The following CSNK2A2IP variants were observed in gnomAD, a reference collection of about 807,000 sequenced individuals.
CSNK2A2IP encodes casein kinase II subunit alpha'-interacting protein.
chr3:88,375,410 A>G, the CSNK2A2IP span, among the ~76,000 whole-genome samples: 2 of 151,784 alleles, frequency 1.3e-5, no homozygotes, highest in African/African-American at 4.8e-5. Flanking sequence ...TCAGATTAAA[A>G]AGCTATATTA....
chr3:88,400,653 C>T, the CSNK2A2IP span, among the ~76,000 whole-genome samples: 7 of 152,096 alleles, frequency 4.6e-5, no homozygotes, highest in South Asian at 1.0e-3. Flanking sequence ...AAGGCTTTGA[C>T]GATGACAGAA....
chr3:88,357,474 T>C, the CSNK2A2IP span, among the ~76,000 whole-genome samples: 1 of 152,222 alleles, frequency 6.6e-6, no homozygotes, highest in Non-Finnish European at 1.5e-5. Flanking sequence ...GCTGTTTTGC[T>C]TACTATAGCT....
chr3:88,418,891 G>GT, the CSNK2A2IP span, among the ~76,000 whole-genome samples: 1 of 152,164 alleles, frequency 6.6e-6, no homozygotes, highest in Non-Finnish European at 1.5e-5. Context: ...TGTATTTACA[G>GT]TTTTTCACAT....
At chr3:88,457,256 T>C in the CSNK2A2IP span, among the ~76,000 whole-genome samples, 1 of 152,214 alleles carries the variant, frequency 6.6e-6, no homozygotes, top group East Asian at 1.9e-4. Flanking sequence ...TTTGGTCTTG[T>C]CTGGTGTTTT....
the CSNK2A2IP span, among the ~76,000 whole-genome samples, chr3:88,408,824 C>A: frequency 6.6e-6 from 1 of 151,702 alleles, no homozygotes; most frequent in Non-Finnish European, 1.5e-5. Flanking sequence ...TGGGGGATTC[C>A]CTTTTGTTTT....
chr3:88,367,804 T>C, the CSNK2A2IP span, among the ~76,000 whole-genome samples: 1 of 152,112 alleles, frequency 6.6e-6, no homozygotes, highest in Non-Finnish European at 1.5e-5. Context: ...TTGCAAAGGC[T>C]GGTTGAACTA....
chr3:88,424,383 C>T, the CSNK2A2IP span, among the ~76,000 whole-genome samples: 12 of 151,954 alleles, frequency 7.9e-5, no homozygotes, highest in East Asian at 3.9e-4. Flanking sequence ...TTTCAAGGTC[C>T]GGTATAATGT....
chr3:88,380,128 T>A, the CSNK2A2IP span, among the ~76,000 whole-genome samples: 1 of 152,132 alleles, frequency 6.6e-6, no homozygotes, highest in African/African-American at 2.4e-5. Flanking sequence ...TCCATTGTTA[T>A]AAATGTGATA....
At chr3:88,378,091 A>G in the CSNK2A2IP span, among the ~76,000 whole-genome samples, 1 of 152,044 alleles carries the variant, frequency 6.6e-6, no homozygotes, top group African/African-American at 2.4e-5. Flanking sequence ...TGCCTGCAAA[A>G]CAGTTATAAT....
the CSNK2A2IP span, among the ~76,000 whole-genome samples, chr3:88,393,140 G>C: frequency 6.6e-6 from 1 of 152,168 alleles, no homozygotes; most frequent in Non-Finnish European, 1.5e-5. Context: ...ATAGTGTGAG[G>C]TAAGTTGAAG....
chr3:88,373,492 G>C, the CSNK2A2IP span, among the ~76,000 whole-genome samples: 1 of 150,788 alleles, frequency 6.6e-6, no homozygotes, highest in Non-Finnish European at 1.5e-5. Flanking sequence ...GTGGTGTTTA[G>C]AGAAAAATTT....
chr3:88,454,675 T>C, the CSNK2A2IP span, among the ~76,000 whole-genome samples: 1 of 151,922 alleles, frequency 6.6e-6, no homozygotes, highest in Admixed American at 6.6e-5. Context: ...GATAAAGTTA[T>C]ATGTATTTAG....
the CSNK2A2IP span, among the ~76,000 whole-genome samples, chr3:88,418,463 T>TGTGTGTGTGTGCGCGC: frequency 2.0e-5 from 3 of 149,532 alleles, no homozygotes; most frequent in African/African-American, 4.9e-5. Flanking sequence ...TGTGTGTGTG[T>TGTGTGTGTGTGCGCGC]GCGCGCGGGC....
chr3:88,452,892 C>T, the CSNK2A2IP span, among the ~76,000 whole-genome samples: 1 of 151,980 alleles, frequency 6.6e-6, no homozygotes, highest in Non-Finnish European at 1.5e-5. Flanking sequence ...GTGAGAGGCT[C>T]TTTTATGTGT....
At chr3:88,442,196 T>C in the CSNK2A2IP span, among the ~76,000 whole-genome samples, 3 of 152,138 alleles carry the variant, frequency 2.0e-5, no homozygotes, top group Admixed American at 6.5e-5. Context: ...ATTTGGCCTA[T>C]GAATTTTTTT....
At chr3:88,432,766 G>A in the CSNK2A2IP span, among the ~76,000 whole-genome samples, 1 of 149,898 alleles carries the variant, frequency 6.7e-6, no homozygotes, top group South Asian at 2.1e-4. Flanking sequence ...ATTATTATAT[G>A]GTATTATATT....
chr3:88,433,651 G>C, the CSNK2A2IP span, among the ~76,000 whole-genome samples: 1 of 152,164 alleles, frequency 6.6e-6, no homozygotes, highest in Non-Finnish European at 1.5e-5. Context: ...AGCAGAACTA[G>C]AATTGGAAAA....
chr3:88,433,678 A>G, the CSNK2A2IP span, among the ~76,000 whole-genome samples: 2 of 152,192 alleles, frequency 1.3e-5, no homozygotes, highest in African/African-American at 4.8e-5. Context: ...GGAATAAAAG[A>G]GCCGTGGCTG....
At chr3:88,440,943 T>C in the CSNK2A2IP span, among the ~76,000 whole-genome samples, 2 of 152,188 alleles carry the variant, frequency 1.3e-5, no homozygotes, top group South Asian at 4.1e-4. Flanking sequence ...GAGGAAATGA[T>C]CCTTAATTGT....
Sources: allele counts gnomAD v4.1 joint callset (sites outside exome capture counted in the v4.1 genomes callset), GRCh38; gene constraint gnomAD v4.1.1; transcripts MANE v1.5; gene names NCBI Gene and HGNC (gene_info 2026-07-23, HGNC 2026-07-21).